Variants in VSIG10 observed in about 807,000 individuals in gnomAD.
VSIG10 encodes the protein V-set and immunoglobulin domain containing 10, also known as V-set and immunoglobulin domain-containing protein 10.
VSIG10 carries 48 observed loss-of-function variants against 58.7 expected under a neutral mutation model. The ratio of observed to expected loss-of-function variants is 0.82; its 90% CI spans 0.65 to 1.04. VSIG10 has a LOEUF of 1.04. Among genes scored for constraint, VSIG10 ranks in the 50% least tolerant of loss-of-function variants. The pLI, the probability that VSIG10 is intolerant of heterozygous loss-of-function variation, is 0.00. For synonymous variants in VSIG10, 260 were observed against 267.1 expected (o/e 0.97, Z 0.26); for missense variants, 628 against 670.0 (o/e 0.94, Z 0.69).
intron 1 of VSIG10, among the ~76,000 whole-genome samples, chr12:118,099,073 T>A (rs2033554794): frequency 6.6e-6 from 1 of 151,588 alleles, no homozygotes; most frequent in South Asian, 2.1e-4. Context: ...CTCCAGGTGA[T>A]TCTGACGCCC....
intron 2 of VSIG10, among the ~76,000 whole-genome samples, chr12:118,088,947 CTTTTTTT>C (rs150822972): frequency 1.4e-5 from 2 of 142,352 alleles, no homozygotes; most frequent in African/African-American, 2.6e-5. Flanking sequence ...ATTCCTTTTT[CTTTTTTT>C]TTTTTTTTTA....
chr12:118,074,967 T>C (rs1198286467), intron 4 of VSIG10, among the ~76,000 whole-genome samples: 4 of 152,068 alleles, frequency 2.6e-5, no homozygotes, highest in Non-Finnish European at 2.9e-5. Flanking sequence ...ATACCTTTTA[T>C]GACAGTATAT....
intron 2 of VSIG10, among the ~76,000 whole-genome samples, chr12:118,089,082 G>C (rs1375203289): frequency 6.6e-6 from 1 of 151,956 alleles, no homozygotes; most frequent in Non-Finnish European, 1.5e-5. Context: ...CCACGCATCT[G>C]GGATCACAGG....
chr12:118,092,355 G>A (rs1023938387), intron 2 of VSIG10, among the ~76,000 whole-genome samples: 5 of 151,822 alleles, frequency 3.3e-5, no homozygotes, highest in Admixed American at 2.0e-4. Flanking sequence ...ATGAGCCACC[G>A]TACCTGGCCT....
chr12:118,071,137 G>C (rs1363277348), intron 6 of VSIG10, 70 bp from the exon 7 acceptor site: 1 of 1,522,154 alleles, frequency 6.6e-7, no homozygotes, highest in Non-Finnish European at 9.0e-7. Context: ...TCTTAATCAG[G>C]CAAACATTTA....
Position 118,073,973 on chromosome 12 carries a change from A to G in VSIG10, c.945T>C (p.Ser315=). 3 of 1,577,612 alleles carry G rather than the reference A, an allele frequency of 1.9e-6. No individual in the cohort carries two copies. Among genetic ancestry groups the G allele is most frequent in the Non-Finnish European group, 2.6e-6 (3 of 1,159,946 alleles). The change falls in exon 5 of 9, where the codon TCT becomes TCC. Residue 315 remains serine, a synonymous_variant. Coordinates refer to ENST00000359236, the MANE Select transcript of VSIG10 (RefSeq NM_019086.6). The part of the protein sequence containing the change: ...MVQIRGPSLL[S]EPMKTCFTGG... ...CAGTGAAGCAAGTCTTCATGGGCTCAGAGAGAAGGGAGGGACCCCCTGGTG... is the reference window on the plus strand; with the variant it reads ...CAGTGAAGCAAGTCTTCATGGGCTCGGAGAGAAGGGAGGGACCCCCTGGTG...
Position 118,065,082 on chromosome 12 carries a change from G to C in VSIG10, c.*1557C>G, listed in dbSNP as rs943414073. ...CTTGAAACTATACAAGGATCTACTGGAAGCATCAGCAGGCTAAACTCATCA... is the reference window on the plus strand; with the variant it reads ...CTTGAAACTATACAAGGATCTACTGCAAGCATCAGCAGGCTAAACTCATCA... On this transcript the variant is annotated 3_prime_UTR_variant, in exon 9 of 9. Coordinates refer to ENST00000359236, the MANE Select transcript of VSIG10 (RefSeq NM_019086.6). 2.6e-5 allele frequency: 4 copies of C among 152,216 alleles called. No homozygotes were observed. Among genetic ancestry groups the C allele is most frequent in the African/African-American group, 9.7e-5 (4 of 41,446 alleles). The allele number at this position is 152,216 out of a possible 1,614,324, so 9.4% of individuals were successfully genotyped here.
intron 8 of VSIG10, among the ~76,000 whole-genome samples, chr12:118,067,627 A>AT (rs2032301821): frequency 6.9e-6 from 1 of 144,750 alleles, no homozygotes; most frequent in Non-Finnish European, 1.5e-5. Flanking sequence ...CACCCAGCTG[A>AT]TTTTTGTATT....
intron 1 of VSIG10, among the ~76,000 whole-genome samples, chr12:118,099,811 T>C (rs1262499940): frequency 1.3e-5 from 2 of 152,186 alleles, no homozygotes; most frequent in Admixed American, 1.3e-4. Flanking sequence ...GAGTAATCAT[T>C]ATCTGTATTT....
At chr12:118,085,869 A>T (rs947703752) in intron 2 of VSIG10, among the ~76,000 whole-genome samples, 36 of 149,230 alleles carry the variant, frequency 2.4e-4, no homozygotes, top group Admixed American at 4.7e-4. Flanking sequence ...AAAAAAAAAA[A>T]GTTGGGCCCA....
intron 2 of VSIG10, among the ~76,000 whole-genome samples, chr12:118,088,528 GAC>G (rs2033199617): frequency 6.6e-6 from 1 of 152,106 alleles, no homozygotes; most frequent in African/African-American, 2.4e-5. Flanking sequence ...CAGTCATCTG[GAC>G]CACTCCGAAA....
At chr12:118,087,026 G>C (rs1223525515) in intron 2 of VSIG10, among the ~76,000 whole-genome samples, 34 of 150,878 alleles carry the variant, frequency 2.3e-4, no homozygotes, top group Admixed American at 2.3e-3. Context: ...GTCTCCCAAA[G>C]CGCTGGGATT....
chr12:118,074,066 T>C (rs1168018150), intron 4 of VSIG10, 74 bp from the exon 5 acceptor site: 1 of 1,480,110 alleles, frequency 6.8e-7, no homozygotes, highest in East Asian at 2.3e-5. Flanking sequence ...GCAGGAAAAC[T>C]GCAGTAGTTT....
rs777223982 is a variant in VSIG10 at position 118,103,590 on chromosome 12, T to G, written c.79+3A>C. ...CTTTTCCCTCCAGATCGCGGCCCCTTACCTACGGCGACCCAGCCGGCCAGG... is the reference window on the plus strand; with the variant it reads ...CTTTTCCCTCCAGATCGCGGCCCCTGACCTACGGCGACCCAGCCGGCCAGG... On this transcript the variant is annotated splice_donor_region_variant and intron_variant, in intron 1 of 8. Transcript: ENST00000359236. 6.6e-7 allele frequency: 1 copy of G among 1,521,394 alleles called. No individual in the cohort carries two copies. The highest frequency in any genetic ancestry group is 8.8e-7 in the Non-Finnish European group (1 of 1,140,174). 94.2% of individuals were successfully genotyped at this position (1,521,394 alleles called of 1,614,324 possible).
At chr12:118,096,337 G>A (rs987615963) in intron 1 of VSIG10, among the ~76,000 whole-genome samples, 1 of 152,014 alleles carries the variant, frequency 6.6e-6, no homozygotes, top group Non-Finnish European at 1.5e-5. Flanking sequence ...CCAGCACTTT[G>A]GGAGGCCAAG....
At chr12:118,093,342 G>A (rs2033353931) in intron 2 of VSIG10, among the ~76,000 whole-genome samples, 1 of 151,680 alleles carries the variant, frequency 6.6e-6, no homozygotes, top group African/African-American at 2.4e-5. Context: ...ACAACAGCAG[G>A]CTGTAGTTTA....
intron 2 of VSIG10, among the ~76,000 whole-genome samples, chr12:118,082,866 A>G (rs1253518489): frequency 6.6e-6 from 1 of 151,628 alleles, no homozygotes; most frequent in Non-Finnish European, 1.5e-5. Flanking sequence ...AATTCCCAGC[A>G]CTTTAGGAGG....
chr12:118,088,735 C>T (rs1301046463), intron 2 of VSIG10, among the ~76,000 whole-genome samples: 1 of 152,092 alleles, frequency 6.6e-6, no homozygotes, highest in Non-Finnish European at 1.5e-5. Context: ...AACCAGGAGA[C>T]CAACCCCAGA....
chr12:118,066,518 A>T lies in VSIG10; in HGVS notation c.*121T>A. On this transcript the variant is annotated 3_prime_UTR_variant, in exon 9 of 9. Transcript: ENST00000359236. ...TTGGTTTTGTTTTTTGCTGAGACCC[A>T]AACATTGTTAGTGCAAGCCCCCGCC... 1 of 1,066,940 alleles carries T rather than the reference A, an allele frequency of 9.4e-7. No individual in the cohort carries two copies. The highest frequency in any genetic ancestry group is 1.8e-5 in the Admixed American group (1 of 54,874). The allele number at this position is 1,066,940 out of a possible 1,614,324, so 66.1% of individuals were successfully genotyped here.
Sources: allele counts gnomAD v4.1 joint callset (sites outside exome capture counted in the v4.1 genomes callset), GRCh38; gene constraint gnomAD v4.1.1; transcripts MANE v1.5; gene names NCBI Gene and HGNC (gene_info 2026-07-23, HGNC 2026-07-21).